MCTP2: variants seen among roughly 807,000 people sequenced by gnomAD.
MCTP2 encodes the protein multiple C2 and transmembrane domain containing 2.
In MCTP2, 132 loss-of-function variants were observed where a neutral mutation model predicts 111.6. The observed-to-expected ratio is 1.18, with a 90% CI of 1.03 to 1.37. The LOEUF (loss-of-function observed/expected upper bound fraction) is 1.37, where lower values mean the gene tolerates loss of function less well. MCTP2 is among the 40% of genes most tolerant of loss of function. The pLI is 0.00. For missense variants in MCTP2, 1,183 were observed against 1,067.9 expected, an observed-to-expected ratio of 1.11 and a Z score of -1.50; for synonymous variants, 395 against 387.7, an observed-to-expected ratio of 1.02 and a Z score of -0.22.
At chr15:94,477,745 G>A (rs1483011797) in intron 22 of MCTP2, among the ~76,000 whole-genome samples, 1 of 152,120 alleles carries the variant, frequency 6.6e-6, no homozygotes, top group Non-Finnish European at 1.5e-5. Flanking sequence ...TTCATTCCGA[G>A]TTCTAGAAAT....
chr15:94,443,694 G>C (rs1006225905), intron 19 of MCTP2, among the ~76,000 whole-genome samples: 4 of 152,106 alleles, frequency 2.6e-5, no homozygotes, highest in African/African-American at 9.7e-5. Flanking sequence ...GTGATACAAA[G>C]AGCCTTAGAA....
intron 19 of MCTP2, among the ~76,000 whole-genome samples, chr15:94,443,958 A>C (rs1185605733): frequency 8.4e-6 from 1 of 119,216 alleles, no homozygotes; most frequent in Non-Finnish European, 1.6e-5. Flanking sequence ...TAAGTTAATA[A>C]GGTTTATAAT....
chr15:94,353,247 A>G (rs955265541), intron 8 of MCTP2, among the ~76,000 whole-genome samples: 3 of 152,200 alleles, frequency 2.0e-5, no homozygotes, highest in Non-Finnish European at 4.4e-5. Flanking sequence ...ATTACAAGCA[A>G]TAATCCAGAT....
chr15:94,369,637 A>G (rs1266894406), intron 11 of MCTP2, among the ~76,000 whole-genome samples: 1 of 152,194 alleles, frequency 6.6e-6, no homozygotes, highest in African/African-American at 2.4e-5. Context: ...TAGAGTGGTG[A>G]TAAGTATCTC....
intron 17 of MCTP2, among the ~76,000 whole-genome samples, chr15:94,421,226 G>C (rs2082616042): frequency 6.6e-6 from 1 of 151,784 alleles, no homozygotes; most frequent in Non-Finnish European, 1.5e-5. Flanking sequence ...GTACTAGACT[G>C]TAGCACAGTG....
At chr15:94,233,819 T>G (rs2070358167) in intron 1 of MCTP2, among the ~76,000 whole-genome samples, 1 of 152,180 alleles carries the variant, frequency 6.6e-6, no homozygotes, top group Non-Finnish European at 1.5e-5. Context: ...GAGTGAAAAA[T>G]AGTACTCTGA....
chr15:94,280,415 GT>G (rs34008450), intron 1 of MCTP2, among the ~76,000 whole-genome samples: 91,860 of 140,086 alleles, frequency 0.66, 30,117 homozygotes, highest in African/African-American at 0.78. Flanking sequence ...AGTCTCGAGG[GT>G]TTTTTTTTTT....
chr15:94,407,779 A>ATG (rs2152482485), intron 17 of MCTP2, among the ~76,000 whole-genome samples: 1 of 52,300 alleles, frequency 1.9e-5, no homozygotes, highest in East Asian at 3.3e-4. Context: ...ACTTGTGCAC[A>ATG]CACACACACA....
At chr15:94,407,638 T>A (rs2081964738) in intron 17 of MCTP2, among the ~76,000 whole-genome samples, 1 of 152,158 alleles carries the variant, frequency 6.6e-6, no homozygotes, top group Non-Finnish European at 1.5e-5. Context: ...CTTGGTAATA[T>A]CCCATATTTA....
intron 12 of MCTP2, among the ~76,000 whole-genome samples, chr15:94,382,523 A>T (rs1461817015): frequency 6.6e-6 from 1 of 152,244 alleles, no homozygotes; most frequent in Non-Finnish European, 1.5e-5. Context: ...CCTGTTTAAT[A>T]CTATTCATCG....
At position 94,476,645 on chromosome 15, in the gene MCTP2, T is replaced by C. The variant is rs533473656; in HGVS notation, c.2471-51T>C. 1,700 of 842,636 alleles carry C rather than the reference T, an allele frequency of 2.0e-3. 6 individuals carry two copies. Among genetic ancestry groups the C allele is most frequent in the African/African-American group, 0.016 (891 of 55,720 alleles). The allele number at this position is 842,636 out of a possible 1,614,324, so 52.2% of individuals were successfully genotyped here. On this transcript the variant is annotated intron_variant, in intron 21 of 22. Transcript: ENST00000357742. ...ATAGATAGATAGATAGATAGATAGA[T>C]AGATAGACAGACAGACAGATAAAGA...
At chr15:94,348,550 G>GT (rs1567491104) in intron 8 of MCTP2, among the ~76,000 whole-genome samples, 1 of 75,050 alleles carries the variant, frequency 1.3e-5, no homozygotes, top group Non-Finnish European at 2.7e-5. Context: ...ACCAGGAGAC[G>GT]TTTTTTGATT....
intron 8 of MCTP2, among the ~76,000 whole-genome samples, chr15:94,345,576 A>G (rs1023272557): frequency 3.0e-4 from 46 of 152,174 alleles, no homozygotes; most frequent in Non-Finnish European, 3.5e-4. Flanking sequence ...ATATCTTTTG[A>G]AAAAGCCATT....
At chr15:94,442,661 T>C (rs886687714) in intron 18 of MCTP2, among the ~76,000 whole-genome samples, 1 of 152,250 alleles carries the variant, frequency 6.6e-6, no homozygotes, top group Non-Finnish European at 1.5e-5. Context: ...AATGCATTTT[T>C]AAAGCTGGAT....
chr15:94,388,292 GGTGC>G (rs1466725568), intron 14 of MCTP2, among the ~76,000 whole-genome samples: 3 of 152,140 alleles, frequency 2.0e-5, no homozygotes, highest in Admixed American at 2.0e-4. Context: ...ACCCTGGCAT[GGTGC>G]ACTCAGTAAG....
intron 12 of MCTP2, among the ~76,000 whole-genome samples, chr15:94,371,569 T>C (rs766270544): frequency 2.6e-5 from 4 of 152,242 alleles, no homozygotes; most frequent in Non-Finnish European, 5.9e-5. Context: ...CCTTCCAGCA[T>C]TTAAAAAAAT....
chr15:94,300,235 C>T (rs139210006), intron 2 of MCTP2, among the ~76,000 whole-genome samples: 102 of 152,118 alleles, frequency 6.7e-4, no homozygotes, highest in African/African-American at 2.3e-3. Context: ...TGGCCGGGCA[C>T]GGTGGCTCAT....
intron 14 of MCTP2, among the ~76,000 whole-genome samples, chr15:94,389,200 G>A (rs1222287234): frequency 6.6e-6 from 1 of 151,728 alleles, no homozygotes; most frequent in African/African-American, 2.4e-5. Flanking sequence ...GTGTGTGGCA[G>A]GTGAAGTGAA....
In MCTP2 at chr15:94,388,966, C is replaced by T. The variant is rs540943314; in HGVS notation, c.1788+3441C>T. Among the ~76,000 whole-genome samples, 8 of 152,238 alleles carry T rather than the reference C, an allele frequency of 5.3e-5. No homozygotes were observed. The South Asian group carries it at 6.2e-4, about 12-fold the overall frequency. On this transcript the variant is annotated intron_variant, in intron 14 of 22. Transcript: ENST00000357742. ...TTTGTGTAACCACTGTGCTATGTGC[C>T]GTCAGGGTCGGGGTTGGGGGGTGGC...
Sources: allele counts gnomAD v4.1 joint callset (sites outside exome capture counted in the v4.1 genomes callset), GRCh38; gene constraint gnomAD v4.1.1; transcripts MANE v1.5; gene names NCBI Gene and HGNC (gene_info 2026-07-23, HGNC 2026-07-21).